Variants in C1GALT1 observed in about 807,000 individuals in gnomAD.
C1GALT1 encodes core 1 synthase, glycoprotein-N-acetylgalactosamine 3-beta-galactosyltransferase 1, also known as glycoprotein-N-acetylgalactosamine 3-beta-galactosyltransferase 1.
In C1GALT1, 11 loss-of-function variants were observed where a neutral mutation model predicts 31.0. The observed-to-expected ratio is 0.36, with a 90% confidence interval of 0.22 to 0.59. C1GALT1 has a LOEUF of 0.59. Ranked by LOEUF, C1GALT1 falls within the 20% of genes least tolerant of loss-of-function variation. The probability of loss-of-function intolerance (pLI) is 0.79; values close to 1 mark genes in which losing one functional copy is unlikely to be tolerated. For synonymous variants in C1GALT1, 175 were observed against 143.6 expected, an observed-to-expected ratio of 1.22 and a Z score of -1.56; for missense variants, 424 against 425.2, an observed-to-expected ratio of 1.00 and a Z score of 0.03.
intron 3 of C1GALT1, 68 bp from the exon 4 acceptor site, chr7:7,243,456 A>G (rs1203759453): frequency 8.0e-7 from 1 of 1,255,540 alleles, no homozygotes; most frequent in Non-Finnish European, 1.1e-6. Context: ...GGTCCTTTAT[A>G]AGTATGTAAA....
chr7:7,228,718 C>CT (rs1460488254), intron 1 of C1GALT1, among the ~76,000 whole-genome samples: 1 of 152,192 alleles, frequency 6.6e-6, no homozygotes, highest in African/African-American at 2.4e-5. Context: ...TCTGAGTGTG[C>CT]TGATACTCTG....
At chr7:7,216,013 C>G (rs1256809948) in intron 1 of C1GALT1, among the ~76,000 whole-genome samples, 1 of 151,790 alleles carries the variant, frequency 6.6e-6, no homozygotes, top group Non-Finnish European at 1.5e-5. Flanking sequence ...ACTATTTTCC[C>G]TGGGCCTGCC....
In C1GALT1 at chr7:7,193,222, G is replaced by C. The variant is rs141540727; in HGVS notation, c.-18+10402G>C. 4.9e-3 allele frequency among the ~76,000 whole-genome samples: 750 copies of C among 152,210 alleles called. 6 individuals are homozygous for C. Among genetic ancestry groups the C allele is most frequent in the African/African-American group, 0.017 (709 of 41,526 alleles). ...TTGGGTTCATGGTCAGGAAGTCTTT[G>C]CCTAAGCCAATGTCTAGAAGGGTTT... On this transcript the variant is annotated intron_variant, in intron 1 of 3. Coordinates refer to ENST00000436587, the MANE Select transcript of C1GALT1 (RefSeq NM_020156.5).
At chr7:7,193,456 G>A (rs1269771222) in intron 1 of C1GALT1, among the ~76,000 whole-genome samples, 1 of 152,100 alleles carries the variant, frequency 6.6e-6, no homozygotes, top group Non-Finnish European at 1.5e-5. Flanking sequence ...TCAAAGATCA[G>A]TTGGCTGTTA....
intron 1 of C1GALT1, among the ~76,000 whole-genome samples, chr7:7,191,134 T>G (rs1306373400): frequency 6.6e-6 from 1 of 152,146 alleles, no homozygotes; most frequent in African/African-American, 2.4e-5. Flanking sequence ...GTTTAAACGA[T>G]AGCTCTCCAT....
chr7:7,166,274 G>C (rs1248250905), intron 2 of C1GALT1, among the ~76,000 whole-genome samples: 1 of 152,102 alleles, frequency 6.6e-6, no homozygotes, highest in Admixed American at 6.6e-5. Flanking sequence ...GTATTTGAAT[G>C]AATACAAAAA....
chr7:7,245,758 C>G lies in C1GALT1; in HGVS notation c.*2031C>G, dbSNP rs1301114235. On this transcript the variant is annotated 3_prime_UTR_variant, in exon 4 of 4. Coordinates refer to ENST00000436587, the MANE Select transcript of C1GALT1 (RefSeq NM_020156.5). The stretch of plus-strand genomic sequence containing the variant: ...TGGTTTACTATAGATATCCAAAAAC[C>G]TTGAGATTTGCTCATAGGAAATGAA... The G allele has an allele frequency of 6.6e-6, 1 of 152,134 alleles. No homozygotes were observed. Among genetic ancestry groups the G allele is most frequent in the Non-Finnish European group, 1.5e-5 (1 of 68,020 alleles). The allele number at this position is 152,134 out of a possible 1,614,324, so 9.4% of individuals were successfully genotyped here.
At chr7:7,181,918 G>C (rs564089720), upstream of C1GALT1, among the ~76,000 whole-genome samples, 259 of 152,234 alleles carry the variant, frequency 1.7e-3, no homozygotes, top group African/African-American at 5.9e-3. Flanking sequence ...CCAGCGAAAG[G>C]GGAGATAGGT....
chr7:7,177,539 AG>A (rs1323032726), intron 2 of C1GALT1, among the ~76,000 whole-genome samples: 1 of 151,900 alleles, frequency 6.6e-6, no homozygotes, highest in Non-Finnish European at 1.5e-5. Flanking sequence ...TTCATGAAAA[AG>A]AAAAAGGAGC....
intron 3 of C1GALT1, among the ~76,000 whole-genome samples, chr7:7,241,103 A>ATC (rs202193158): frequency 5.7e-5 from 1 of 17,564 alleles, no homozygotes; most frequent in Non-Finnish European, 1.2e-4. Context: ...AATTGTTTAC[A>ATC]TATATATCTC....
intron 1 of C1GALT1, among the ~76,000 whole-genome samples, chr7:7,221,411 G>A (rs910134999): frequency 3.3e-5 from 5 of 152,102 alleles, no homozygotes; most frequent in African/African-American, 1.2e-4. Context: ...ATTAATGGTG[G>A]TATGTTGTTT....
chr7:7,246,629 G>C lies in C1GALT1; in HGVS notation c.*2902G>C, dbSNP rs982594836. ...TTGTTGGAAATGCAGCCTCTCTCGG[G>C]GCCTCATCTCAGATCAGATCTACTA... On this transcript the variant is annotated 3_prime_UTR_variant, in exon 4 of 4. Coordinates refer to ENST00000436587, the MANE Select transcript of C1GALT1 (RefSeq NM_020156.5). The C allele has an allele frequency of 3.3e-5, 5 of 152,254 alleles. No individual in the cohort carries two copies. The highest frequency in any genetic ancestry group is 4.4e-5 in the Non-Finnish European group (3 of 68,146). The allele number at this position is 152,254 out of a possible 1,614,324, so 9.4% of individuals were successfully genotyped here.
intron 1 of C1GALT1, among the ~76,000 whole-genome samples, chr7:7,197,742 T>G (rs187327153): frequency 0.032 from 4,875 of 152,226 alleles, 170 homozygotes; most frequent in African/African-American, 0.088. Context: ...TAGTTCTCCT[T>G]GAAGAGGTCC....
At chr7:7,211,905 A>G (rs747508051) in intron 1 of C1GALT1, among the ~76,000 whole-genome samples, 2 of 152,220 alleles carry the variant, frequency 1.3e-5, no homozygotes, top group Non-Finnish European at 2.9e-5. Flanking sequence ...AAAACAATTA[A>G]TGAGACTAGG....
rs1369222383 is a variant in C1GALT1, at chr7:7,245,529, A to T, written c.*1802A>T. On this transcript the variant is annotated 3_prime_UTR_variant, in exon 4 of 4. Coordinates refer to ENST00000436587, the MANE Select transcript of C1GALT1 (RefSeq NM_020156.5). Reference sequence around the variant, plus strand: ...ACATGTCAAAATCATGACCTCTTTGAATGGTATATTTGAGAGGATGTTCAT... The same window carrying T: ...ACATGTCAAAATCATGACCTCTTTGTATGGTATATTTGAGAGGATGTTCAT... 1.3e-5 allele frequency: 2 copies of T among 152,170 alleles called. No individual in the cohort carries two copies. The highest frequency in any genetic ancestry group is 1.3e-4 in the Admixed American group (2 of 15,278). 9.4% of individuals were successfully genotyped at this position (152,170 alleles called of 1,614,324 possible).
chr7:7,201,788 T>G (rs944161490), intron 1 of C1GALT1, among the ~76,000 whole-genome samples: 1 of 152,186 alleles, frequency 6.6e-6, no homozygotes, highest in African/African-American at 2.4e-5. Context: ...CTTTCAGGTT[T>G]CACGCTTCCC....
chr7:7,179,162 G>C (rs186783785), upstream of C1GALT1, among the ~76,000 whole-genome samples: 1 of 152,298 alleles, frequency 6.6e-6, no homozygotes, highest in East Asian at 1.9e-4. Context: ...TGACATAACA[G>C]CTACCTGGCC....
At chr7:7,211,997 A>G (rs547208150) in intron 1 of C1GALT1, among the ~76,000 whole-genome samples, 1 of 152,356 alleles carries the variant, frequency 6.6e-6, no homozygotes, top group East Asian at 1.9e-4. Flanking sequence ...ATTGTGAATG[A>G]ACTTTAGTCT....
chr7:7,239,308 C>T (rs1468128395), intron 3 of C1GALT1, among the ~76,000 whole-genome samples: 2 of 151,998 alleles, frequency 1.3e-5, no homozygotes, highest in African/African-American at 4.8e-5. Context: ...GGAGAGTGAC[C>T]CAGAGTGGGA....
Sources: gnomAD v4.1 joint callset for allele counts (sites outside exome capture counted in the v4.1 genomes callset) on GRCh38, gnomAD v4.1.1 for gene constraint, MANE v1.5 for transcripts, NCBI Gene and HGNC (gene_info 2026-07-23, HGNC 2026-07-21) for gene names.